Variants in SLC38A9 observed in about 807,000 individuals in gnomAD.
The protein encoded by SLC38A9 is solute carrier family 38 member 9, also known as neutral amino acid transporter 9.
SLC38A9 carries 48 observed loss-of-function variants against 62.3 expected under a neutral mutation model. The observed-to-expected ratio is 0.77, with a 90% CI of 0.61 to 0.98. SLC38A9 has a LOEUF of 0.98. SLC38A9 is among the 50% of genes least tolerant of loss of function. The pLI is 0.00. For missense variants in SLC38A9, 541 were observed against 679.8 expected (o/e 0.80, Z 2.27); for synonymous variants, 204 against 227.7 (o/e 0.90, Z 0.94).
At chr5:55,672,347 G>A (rs777916037) in intron 4 of SLC38A9, among the ~76,000 whole-genome samples, 1 of 152,192 alleles carries the variant, frequency 6.6e-6, no homozygotes, top group Non-Finnish European at 1.5e-5. Flanking sequence ...AAAATCTCCA[G>A]GTTGTTGTCA....
In SLC38A9 at chr5:55,626,404, C is replaced by A; in HGVS notation, c.*90G>T. Reference sequence around the variant, plus strand: ...ATCTTAGAAAATATTTAGAATTACACAACAGCAGCATTTACAAGTGAATTT... The same window carrying A: ...ATCTTAGAAAATATTTAGAATTACAAAACAGCAGCATTTACAAGTGAATTT... On this transcript the variant is annotated 3_prime_UTR_variant, in exon 16 of 16. Transcript: ENST00000396865. 1 of 1,101,798 alleles carries A rather than the reference C, an allele frequency of 9.1e-7. No individual in the cohort carries two copies. The highest frequency in any genetic ancestry group is 1.8e-5 in the South Asian group (1 of 56,768). The allele number at this position is 1,101,798 out of a possible 1,614,324, so 68.3% of individuals were successfully genotyped here. A position where few individuals can be genotyped will look rare whatever the true frequency, so the allele number is the denominator to read the frequency against.
intron 14 of SLC38A9, 108 bp from the exon 15 acceptor site, chr5:55,628,088 T>C (rs1268031769): frequency 9.0e-6 from 6 of 669,550 alleles, no homozygotes; most frequent in Non-Finnish European, 1.6e-5. Flanking sequence ...AAAATCAAAA[T>C]GTCTTAAGCT....
intron 3 of SLC38A9, among the ~76,000 whole-genome samples, chr5:55,687,065 GTTTTTTTTT>G (rs56912932): frequency 0.65 from 82,527 of 127,290 alleles, 24,574 homozygotes; most frequent in South Asian, 0.74. Context: ...CTCCAGCTTT[GTTTTTTTTT>G]TTTTTTTTTT....
intron 7 of SLC38A9, among the ~76,000 whole-genome samples, chr5:55,667,128 G>A (rs889057215): frequency 1.2e-4 from 18 of 152,214 alleles, no homozygotes; most frequent in African/African-American, 4.3e-4. Context: ...CTGGGAGGAG[G>A]AGGTTGCATT....
At chr5:55,652,230 T>C (rs981934646) in intron 10 of SLC38A9, among the ~76,000 whole-genome samples, 12 of 150,720 alleles carry the variant, frequency 8.0e-5, no homozygotes, top group Admixed American at 2.0e-4. Flanking sequence ...TGGTGGCGCA[T>C]ACCTGTAATC....
intron 3 of SLC38A9, among the ~76,000 whole-genome samples, chr5:55,697,490 A>AGATGAAGATTTTC (rs1434294381): frequency 6.6e-6 from 1 of 152,162 alleles, no homozygotes; most frequent in African/African-American, 2.4e-5. Flanking sequence ...ACCTCAATGA[A>AGATGAAGATTTTC]GATGAAGATT....
intron 12 of SLC38A9, among the ~76,000 whole-genome samples, chr5:55,636,251 A>T (rs1038149347): frequency 6.6e-6 from 1 of 152,242 alleles, no homozygotes; most frequent in Non-Finnish European, 1.5e-5. Context: ...GCAGCTGTTC[A>T]AACAGCTGCA....
intron 9 of SLC38A9, 37 bp from the exon 10 acceptor site, chr5:55,652,760 AAAAAC>A (rs746885339): frequency 1.0e-5 from 15 of 1,485,002 alleles, no homozygotes; most frequent in African/African-American, 4.5e-5. Flanking sequence ...GAAGATGACA[AAAAAC>A]AAAACAAAAC....
chr5:55,661,591 A>C (rs1301421569), intron 8 of SLC38A9, among the ~76,000 whole-genome samples: 2 of 152,200 alleles, frequency 1.3e-5, no homozygotes, highest in South Asian at 2.1e-4. Context: ...CCAACTGATA[A>C]AATCAATGCA....
Position 55,640,549 on chromosome 5 carries a change from G to A in SLC38A9, c.1168-4892C>T, listed in dbSNP as rs985340739. Among the ~76,000 whole-genome samples, 6 of 152,274 alleles carry A rather than the reference G, an allele frequency of 3.9e-5. No homozygotes were observed. In the East Asian group the frequency reaches 1.2e-3, roughly 29 times the overall value. ...AGAACGCCCATCTCAGTCCAGCCCTGAGCTTCTCACAATGGGGCGTATACA... is the reference window on the plus strand; with the variant it reads ...AGAACGCCCATCTCAGTCCAGCCCTAAGCTTCTCACAATGGGGCGTATACA... On this transcript the variant is annotated intron_variant, in intron 12 of 15. Transcript: ENST00000396865.
At chr5:55,671,088 T>A (rs1048768507) in intron 4 of SLC38A9, among the ~76,000 whole-genome samples, 2 of 152,192 alleles carry the variant, frequency 1.3e-5, no homozygotes, top group African/African-American at 2.4e-5. Context: ...ATAATACTAA[T>A]TTCAAAATCC....
chr5:55,693,003 A>G, intron 3 of SLC38A9: 1 of 984,550 alleles, frequency 1.0e-6, no homozygotes, highest in African/African-American at 1.7e-5. Flanking sequence ...GTATGTGCGA[A>G]TGAAAATAGG....
chr5:55,665,539 T>A (rs1580247491), intron 7 of SLC38A9, among the ~76,000 whole-genome samples: 3 of 132,290 alleles, frequency 2.3e-5, no homozygotes, highest in African/African-American at 2.9e-5. Flanking sequence ...AAAGTGAGAC[T>A]CCATCTCAAA....
chr5:55,633,938 T>A, intron 13 of SLC38A9, 36 bp from the exon 14 acceptor site: 1 of 1,482,988 alleles, frequency 6.7e-7, no homozygotes, highest in Non-Finnish European at 9.3e-7. Context: ...ATGTTAAAAA[T>A]CAAATTCAGT....
intron 11 of SLC38A9, 106 bp from the exon 12 acceptor site, chr5:55,646,001 G>A (rs1746275010): frequency 1.0e-5 from 7 of 681,488 alleles, no homozygotes; most frequent in East Asian, 5.5e-5. Context: ...TTTATCCAGG[G>A]AATAAGAATA....
intron 14 of SLC38A9, among the ~76,000 whole-genome samples, chr5:55,629,388 T>C (rs1743026632): frequency 6.6e-6 from 1 of 152,114 alleles, no homozygotes; most frequent in Non-Finnish European, 1.5e-5. Context: ...CTATACTCTA[T>C]TCTTTAATGC....
At chr5:55,702,138 T>A (rs1305441324) in intron 2 of SLC38A9, among the ~76,000 whole-genome samples, 1 of 152,214 alleles carries the variant, frequency 6.6e-6, no homozygotes, top group Non-Finnish European at 1.5e-5. Flanking sequence ...TATCTAACAC[T>A]CACTACCTGT....
chr5:55,667,231 T>TC (rs961294740), intron 7 of SLC38A9, among the ~76,000 whole-genome samples: 15 of 141,056 alleles, frequency 1.1e-4, no homozygotes, highest in Non-Finnish European at 2.0e-4. Flanking sequence ...ATTTAGGGTT[T>TC]TTTTTGCTGC....
chr5:55,671,722 C>G (rs1288967957), intron 4 of SLC38A9, among the ~76,000 whole-genome samples: 1 of 152,020 alleles, frequency 6.6e-6, no homozygotes, highest in Non-Finnish European at 1.5e-5. Flanking sequence ...GTGGCGCACA[C>G]CTGTAACCCC....
Sources: gnomAD v4.1 joint callset for allele counts (sites outside exome capture counted in the v4.1 genomes callset) on GRCh38, gnomAD v4.1.1 for gene constraint, MANE v1.5 for transcripts, NCBI Gene and HGNC (gene_info 2026-07-23, HGNC 2026-07-21) for gene names.